SLC39A8: variants seen among roughly 807,000 people sequenced by gnomAD.
SLC39A8 encodes metal cation symporter ZIP8.
A neutral mutation model predicts 40.4 loss-of-function variants in SLC39A8; 15 were observed. That is an observed-to-expected ratio of 0.37 (90% CI 0.25 to 0.57). SLC39A8 has a LOEUF of 0.57. Ranked by LOEUF, SLC39A8 falls within the 20% of genes least tolerant of loss-of-function variation. The pLI, the probability that SLC39A8 is intolerant of heterozygous loss-of-function variation, is 0.75. For synonymous variants in SLC39A8, 223 were observed against 221.6 expected, an observed-to-expected ratio of 1.01 and a Z score of -0.06; for missense variants, 472 against 558.8, an observed-to-expected ratio of 0.84 and a Z score of 1.57.
At chr4:102,255,887 A>G (rs1390262398) in intron 11 of SLC39A8, among the ~76,000 whole-genome samples, 1 of 152,198 alleles carries the variant, frequency 6.6e-6, no homozygotes, top group African/African-American at 2.4e-5. Flanking sequence ...TTTTCATCTT[A>G]AAACACCAAA....
intron 6 of SLC39A8, among the ~76,000 whole-genome samples, chr4:102,283,843 G>A (rs1319475844): frequency 6.6e-6 from 1 of 152,102 alleles, no homozygotes; most frequent in Non-Finnish European, 1.5e-5. Context: ...AGCATCCACT[G>A]TGCCTACCTA....
chr4:102,290,800 C>G (rs1366100790), intron 6 of SLC39A8, among the ~76,000 whole-genome samples: 1 of 152,006 alleles, frequency 6.6e-6, no homozygotes, highest in African/African-American at 2.4e-5. Context: ...TTTCCCCAAC[C>G]CCACAGTCCT....
chr4:102,280,125 C>T (rs1732807557), intron 6 of SLC39A8, among the ~76,000 whole-genome samples: 1 of 152,208 alleles, frequency 6.6e-6, no homozygotes, highest in African/African-American at 2.4e-5. Context: ...GCTATGTCCA[C>T]AACTAAAGAT....
chr4:102,316,350 A>T (rs916865119), intron 2 of SLC39A8, among the ~76,000 whole-genome samples: 2 of 152,140 alleles, frequency 1.3e-5, no homozygotes, highest in African/African-American at 4.8e-5. Flanking sequence ...GTTTTAAAAT[A>T]TGTCTTTTGC....
chr4:102,290,127 C>T (rs1232033068), intron 6 of SLC39A8, among the ~76,000 whole-genome samples: 2 of 151,780 alleles, frequency 1.3e-5, no homozygotes, highest in African/African-American at 4.9e-5. Context: ...GGTCAGCAGC[C>T]GTCAACATCA....
intron 6 of SLC39A8, among the ~76,000 whole-genome samples, chr4:102,289,233 T>C (rs1733315226): frequency 6.6e-6 from 1 of 152,166 alleles, no homozygotes; most frequent in African/African-American, 2.4e-5. Context: ...TGGTAACACA[T>C]CTGTTTACAG....
At chr4:102,316,224 G>A (rs1009082153) in intron 2 of SLC39A8, among the ~76,000 whole-genome samples, 1 of 152,070 alleles carries the variant, frequency 6.6e-6, no homozygotes, top group Non-Finnish European at 1.5e-5. Flanking sequence ...TTTTGTGTGT[G>A]TCACTGGCAT....
At chr4:102,309,265 C>T (rs1429489141) in intron 3 of SLC39A8, among the ~76,000 whole-genome samples, 1 of 152,012 alleles carries the variant, frequency 6.6e-6, no homozygotes, top group African/African-American at 2.4e-5. Flanking sequence ...CAGAGTGATA[C>T]AAAGTCACCT....
At chr4:102,264,976 G>A (rs971024396) in intron 8 of SLC39A8, among the ~76,000 whole-genome samples, 4 of 152,188 alleles carry the variant, frequency 2.6e-5, no homozygotes, top group Admixed American at 6.5e-5. Flanking sequence ...TCCATACCAC[G>A]TAAATTTTAT....
chr4:102,304,633 CT>C, intron 5 of SLC39A8, 152 bp from the exon 6 acceptor site: 1 of 633,058 alleles, frequency 1.6e-6, no homozygotes, highest in Non-Finnish European at 2.5e-6. Flanking sequence ...TAAAATTTCT[CT>C]TTTTTACATG....
chr4:102,257,081 T>C (rs1177966116), downstream of SLC39A8, among the ~76,000 whole-genome samples: 1 of 151,990 alleles, frequency 6.6e-6, no homozygotes, highest in East Asian at 1.9e-4. Flanking sequence ...ACTTCAACAG[T>C]AATCCCAAAG....
At chr4:102,274,426 A>C (rs1378226308) in intron 6 of SLC39A8, among the ~76,000 whole-genome samples, 1 of 152,196 alleles carries the variant, frequency 6.6e-6, no homozygotes, top group African/African-American at 2.4e-5. Context: ...GGAACAAGCA[A>C]AGAATCCAAG....
At chr4:102,329,407 G>A (rs1194554408) in intron 2 of SLC39A8, among the ~76,000 whole-genome samples, 4 of 152,048 alleles carry the variant, frequency 2.6e-5, no homozygotes, top group African/African-American at 9.7e-5. Context: ...CGGATCACCT[G>A]ATGTCAAGAG....
At chr4:102,270,047 T>G in intron 6 of SLC39A8, among the ~76,000 whole-genome samples, 1 of 152,192 alleles carries the variant, frequency 6.6e-6, no homozygotes, top group South Asian at 2.1e-4. Flanking sequence ...ACAGAGGAAG[T>G]GACCTGGGCT....
At chr4:102,313,110 T>C (rs1734516485) in intron 3 of SLC39A8, among the ~76,000 whole-genome samples, 1 of 152,118 alleles carries the variant, frequency 6.6e-6, no homozygotes, top group South Asian at 2.1e-4. Flanking sequence ...GCAAATTATA[T>C]TGATAAATGA....
chr4:102,307,307 TC>T, intron 4 of SLC39A8, 128 bp downstream of exon 4: 2 of 1,081,640 alleles, frequency 1.8e-6, no homozygotes, highest in Non-Finnish European at 2.7e-6. Context: ...GATTCAGCTT[TC>T]TCTTATCCAA....
intron 2 of SLC39A8, among the ~76,000 whole-genome samples, chr4:102,336,094 T>G (rs975193587): frequency 6.6e-6 from 1 of 152,202 alleles, no homozygotes; most frequent in Non-Finnish European, 1.5e-5. Flanking sequence ...TACGTATTAT[T>G]GGAAGCAATA....
intron 1 of SLC39A8, 69 bp from the exon 2 acceptor site, chr4:102,344,984 A>C: frequency 2.1e-5 from 21 of 998,796 alleles, no homozygotes; most frequent in East Asian, 5.6e-5. Flanking sequence ...GGCTCCAGAA[A>C]CGCTGCGTGG....
At chr4:102,335,875 CA>C (rs780286366) in intron 2 of SLC39A8, among the ~76,000 whole-genome samples, 2 of 151,982 alleles carry the variant, frequency 1.3e-5, no homozygotes, top group Non-Finnish European at 2.9e-5. Context: ...TCTTTTTTTT[CA>C]TTAATTCTTG....
Sources: allele counts gnomAD v4.1 joint callset (sites outside exome capture counted in the v4.1 genomes callset), GRCh38; gene constraint gnomAD v4.1.1; transcripts MANE v1.5; gene names NCBI Gene and HGNC (gene_info 2026-07-23, HGNC 2026-07-21).